Variants in RASGRP4 observed in about 807,000 individuals in gnomAD.
RASGRP4 encodes the protein RAS guanyl releasing protein 4.
RASGRP4 carries 52 observed loss-of-function variants against 84.4 expected under a neutral mutation model. The ratio of observed to expected loss-of-function variants is 0.62; its 90% CI spans 0.49 to 0.78. The LOEUF (loss-of-function observed/expected upper bound fraction) is 0.78. Among genes scored for constraint, RASGRP4 ranks in the 30% least tolerant of loss-of-function variants. The pLI is 0.00. For synonymous variants in RASGRP4, 356 were observed against 359.1 expected, an observed-to-expected ratio of 0.99 and a Z score of 0.10; for missense variants, 760 against 886.9, an observed-to-expected ratio of 0.86 and a Z score of 1.82.
In RASGRP4 at chr19:38,412,416, C is replaced by A. The variant is rs1031766754; in HGVS notation, c.1680+256G>T. ...GGATTACAGGCGTGAGCCACCACTC[C>A]TGGCCTCCTATCTAGAGTTTTAGGT... On this transcript the variant is annotated intron_variant, in intron 13 of 16. Transcript: ENST00000615439. The surrounding 1 kb of genome is among the most constrained non-coding windows in gnomAD (Gnocchi z 4.6). The A allele has an allele frequency of 1.5e-4, 73 of 472,662 alleles. No homozygotes were observed. The highest frequency in any genetic ancestry group is 1.5e-4 in the Non-Finnish European group (40 of 264,450). 29.3% of individuals were successfully genotyped at this position (472,662 alleles called of 1,614,324 possible).
chr19:38,423,777 C>T (rs2145245487), intron 1 of RASGRP4, among the ~76,000 whole-genome samples: 1 of 152,158 alleles, frequency 6.6e-6, no homozygotes, highest in South Asian at 2.1e-4. Flanking sequence ...GCGGAGGTTG[C>T]AGTGAGCCGA....
intron 1 of RASGRP4, among the ~76,000 whole-genome samples, chr19:38,424,067 G>C (rs530939457): frequency 6.6e-6 from 1 of 151,940 alleles, no homozygotes; most frequent in African/African-American, 2.4e-5. Context: ...CAATTTCCTC[G>C]AAGGAAAAAT....
Position 38,417,436 on chromosome 19 carries a change from G to A in RASGRP4, c.838-268C>T, listed in dbSNP as rs762487707. ...GAAAATCTGGGGAGACAGGAAGTAC[G>A]AGAAGTTGGGCGGATTTGGGGAATA... On this transcript the variant is annotated intron_variant, in intron 7 of 16. Transcript: ENST00000615439. This position sits in a 1 kb window ranked among gnomAD's most constrained non-coding sequence, Gnocchi z 5.1. 7.9e-5 allele frequency among the ~76,000 whole-genome samples: 12 copies of A among 152,168 alleles called. No homozygotes were observed. Among genetic ancestry groups the A allele is most frequent in the Admixed American group, 3.3e-4 (5 of 15,282 alleles).
intron 9 of RASGRP4, 73 bp downstream of exon 9, chr19:38,414,775 A>T (rs910014814): frequency 4.8e-5 from 68 of 1,407,828 alleles, no homozygotes; most frequent in African/African-American, 7.2e-5. Context: ...GGTCCTGGAG[A>T]CACTCACACA....
At chr19:38,410,216 T>C in intron 16 of RASGRP4, 120 bp from the exon 17 acceptor site, 1 of 694,156 alleles carries the variant, frequency 1.4e-6, no homozygotes, top group Non-Finnish European at 2.4e-6. Flanking sequence ...TGAATGAACG[T>C]CCCCTGTGGA....
rs977483741 is a variant in RASGRP4 at position 38,420,080 on chromosome 19, A to C, written c.509+51T>G. The C allele has an allele frequency of 1.9e-6, 3 of 1,606,912 alleles. No homozygotes were observed. In the Admixed American group the frequency reaches 5.0e-5, roughly 27 times the overall value. On this transcript the variant is annotated intron_variant, in intron 5 of 16. Transcript: ENST00000615439. The stretch of plus-strand genomic sequence containing the variant: ...TGAGGGCTTGGGGATATAGAGGGAG[A>C]TGGCAGAATGGCGATGGGGCAGGGA...
chr19:38,412,798 T>A lies in RASGRP4; in HGVS notation c.1554A>T (p.Arg518Ser). The change falls in exon 13 of 17, where the codon AGA becomes AGT. Residue 518 changes from arginine (R) to serine (S), a missense_variant. Transcript: ENST00000615439. The surrounding 1 kb of genome is among the most constrained non-coding windows in gnomAD (Gnocchi z 4.6). ...PPRQGRGSFS[R>S]EELTGYLLRA... ...GGAGCAGGTACCCTGTCAGCTCCTC[T>A]CTGCTGAAGGATCCTCTCCTGGGGG... 6.2e-6 allele frequency: 10 copies of A among 1,607,414 alleles called. No homozygotes were observed. Among genetic ancestry groups the A allele is most frequent in the Non-Finnish European group, 8.5e-6 (10 of 1,176,848 alleles).
Position 38,411,112 on chromosome 19 carries a change from T to C in RASGRP4, c.1852+3A>G. 6.2e-7 allele frequency: 1 copy of C among 1,613,372 alleles called. No individual in the cohort carries two copies. Among genetic ancestry groups the C allele is most frequent in the Non-Finnish European group, 8.5e-7 (1 of 1,179,608 alleles). ...CCCAGCACCGGTGTGCTCTAGGTCT[T>C]ACCACAGCTGGCATGGGGAGCTGGT... On this transcript the variant is annotated splice_donor_region_variant and intron_variant, in intron 15 of 16. Transcript: ENST00000615439.
rs750075252 is a variant in RASGRP4 at position 38,417,029 on chromosome 19, T to C, written c.954+23A>G. 3 of 1,380,510 alleles carry C rather than the reference T, an allele frequency of 2.2e-6. No individual in the cohort carries two copies. 85.5% of individuals were successfully genotyped at this position (1,380,510 alleles called of 1,614,324 possible). ...TCAAGACAGCTGACCACTTGGAGCT[T>C]TGGGGAGGGTAGTGGGATTCACCTT... is the stretch of plus-strand genomic sequence containing the variant. On this transcript the variant is annotated intron_variant, in intron 8 of 16. Transcript: ENST00000615439. This position sits in a 1 kb window ranked among gnomAD's most constrained non-coding sequence, Gnocchi z 5.1.
intron 8 of RASGRP4, among the ~76,000 whole-genome samples, chr19:38,416,108 C>T (rs947813822): frequency 2.0e-5 from 3 of 151,220 alleles, no homozygotes; most frequent in Non-Finnish European, 4.4e-5. Context: ...AGTCCTCCCC[C>T]TCAGCCTCCC....
intron 1 of RASGRP4, among the ~76,000 whole-genome samples, chr19:38,425,574 C>A (rs1314058566): frequency 6.6e-6 from 1 of 152,160 alleles, no homozygotes; most frequent in African/African-American, 2.4e-5. Flanking sequence ...CCAGCTTGCC[C>A]AGGAGATGAA....
chr19:38,409,509 G>A lies in RASGRP4; in HGVS notation c.*531C>T, dbSNP rs1416153581. ...ATTCCCAGCACTTTGGGAGGCTGAGGCTGGTGGATCATGAGGTCAGGAGTT... is the reference window on the plus strand; with the variant it reads ...ATTCCCAGCACTTTGGGAGGCTGAGACTGGTGGATCATGAGGTCAGGAGTT... On this transcript the variant is annotated 3_prime_UTR_variant, in exon 17 of 17. Coordinates refer to ENST00000615439, the MANE Select transcript of RASGRP4 (RefSeq NM_170604.3). The A allele has an allele frequency of 6.6e-6, 1 of 152,554 alleles. No individual in the cohort carries two copies. Among genetic ancestry groups the A allele is most frequent in the African/African-American group, 2.4e-5 (1 of 41,442 alleles). 9.5% of individuals were successfully genotyped at this position (152,554 alleles called of 1,614,324 possible).
Position 38,414,871 on chromosome 19 carries a change from C to T in RASGRP4, c.1207G>A (p.Glu403Lys). 6.3e-7 allele frequency: 1 copy of T among 1,599,694 alleles called. No individual in the cohort carries two copies. Among genetic ancestry groups the T allele is most frequent in the South Asian group, 1.1e-5 (1 of 88,918 alleles). Residue 403 changes from glutamate to lysine, a missense_variant, in exon 9 of 17, where the codon GAG (glutamate) becomes AAG (lysine). Transcript: ENST00000615439. ...ACCGTGAGCAGGTGCAGCAGATCCT[C>T]ATTGGCGCTGCAGGGTGGATGCTGC... ...QGQHPPCSAN[E>K]DLLHLLTLSL...
chr19:38,414,849 G>C lies in RASGRP4; in HGVS notation c.1229C>G (p.Thr410Arg). The change falls in exon 9 of 17, where the codon ACG (threonine) becomes AGG (arginine). Residue 410 changes from threonine (T) to arginine (R), a missense_variant and splice_region_variant. By Grantham distance (71) the Thr-to-Arg change is moderately conservative. Coordinates refer to ENST00000615439, the MANE Select transcript of RASGRP4 (RefSeq NM_170604.3). ...SANEDLLHLL[T>R]LSLDLFYTED... ...CTGGGCGGGGCCAGGGGGGCTCACC[G>C]TGAGCAGGTGCAGCAGATCCTCATT... The C allele has an allele frequency of 3.2e-6, 5 of 1,586,862 alleles. No homozygotes were observed. Among genetic ancestry groups the C allele is most frequent in the Non-Finnish European group, 4.3e-6 (5 of 1,166,370 alleles).
In RASGRP4 at chr19:38,418,375, A is replaced by T; in HGVS notation, c.837+16T>A. ...TGCGTGCAGTGGAGTTCGCAGCCCC[A>T]AGGGGCGGGCCTCACCTGTGCCACG... On this transcript the variant is annotated intron_variant, in intron 7 of 16. Coordinates refer to ENST00000615439, the MANE Select transcript of RASGRP4 (RefSeq NM_170604.3). The surrounding 1 kb of genome is among the most constrained non-coding windows in gnomAD (Gnocchi z 4.6). 2 of 1,598,800 alleles carry T rather than the reference A, an allele frequency of 1.3e-6. No individual in the cohort carries two copies. The highest frequency in any genetic ancestry group is 1.7e-6 in the Non-Finnish European group (2 of 1,173,548).
Position 38,419,911 on chromosome 19 carries a change from C to T in RASGRP4, c.612G>A (p.Glu204=), listed in dbSNP as rs779316549. Reference sequence around the variant, plus strand: ...CCAGGTAGGTGAGGTGCTGAGCCAGCTCCCCCGTCTCCAAGTGGTCGAAAA... The same window carrying T: ...CCAGGTAGGTGAGGTGCTGAGCCAGTTCCCCCGTCTCCAAGTGGTCGAAAA... ...SLLFDHLETG[E]LAQHLTYLEF... Residue 204 remains glutamate (E), a synonymous_variant, in exon 6 of 17, where the codon GAG becomes GAA. Coordinates refer to ENST00000615439, the MANE Select transcript of RASGRP4 (RefSeq NM_170604.3). 15 of 1,611,446 alleles carry T rather than the reference C, an allele frequency of 9.3e-6. No individual in the cohort carries two copies. The Admixed American group carries it at 2.5e-4, about 27-fold the overall frequency.
intron 8 of RASGRP4, 98 bp from the exon 9 acceptor site, chr19:38,415,221 AT>A (rs1971450677): frequency 6.8e-6 from 8 of 1,178,736 alleles, no homozygotes; most frequent in Non-Finnish European, 8.2e-6. Flanking sequence ...ACCCAGTGGC[AT>A]TGTGGAAACC....
At position 38,410,105 on chromosome 19, in the gene RASGRP4, A is replaced by G; in HGVS notation, c.1966-9T>C. ...ATCACCGGGCAGGGGACCTGGAAGGAGGAAGGGAGGAAGAAAGATGACAGA... is the reference window on the plus strand; with the variant it reads ...ATCACCGGGCAGGGGACCTGGAAGGGGGAAGGGAGGAAGAAAGATGACAGA... On this transcript the variant is annotated splice_polypyrimidine_tract_variant and intron_variant, in intron 16 of 16. Coordinates refer to ENST00000615439, the MANE Select transcript of RASGRP4 (RefSeq NM_170604.3). The G allele has an allele frequency of 6.2e-7, 1 of 1,608,714 alleles. No individual in the cohort carries two copies. The highest frequency in any genetic ancestry group is 1.7e-4 in the Middle Eastern group (1 of 6,054).
At position 38,410,930 on chromosome 19, in the gene RASGRP4, A is replaced by G. The variant is rs766338486; in HGVS notation, c.1921T>C (p.Trp641Arg). The change falls in exon 16 of 17, where the codon TGG becomes CGG. Residue 641 changes from tryptophan (W) to arginine (R), a missense_variant. Physicochemically the swap from Trp to Arg is moderately radical, Grantham distance 101. Transcript: ENST00000615439. ...GGGTGTGGGGATTCAGTCTGGGTCC[A>G]GGCATGGCGAAGCTGGCACCCAGTC... ...PETGCQLRHA[W>R]TQTESPHPSW... The G allele has an allele frequency of 5.6e-6, 9 of 1,605,240 alleles. No homozygotes were observed. Among genetic ancestry groups the G allele is most frequent in the Non-Finnish European group, 6.8e-6 (8 of 1,176,008 alleles).
Sources: gnomAD v4.1 joint callset for allele counts (sites outside exome capture counted in the v4.1 genomes callset) on GRCh38, gnomAD v4.1.1 for gene constraint, Gnocchi (gnomAD v3.1) non-coding constraint, MANE v1.5 for transcripts, NCBI Gene and HGNC (gene_info 2026-07-23, HGNC 2026-07-21) for gene names.